Variants in CLMP observed in about 807,000 individuals in gnomAD.
The protein encoded by CLMP is CXADR like cell adhesion molecule, also known as CXADR-like membrane protein.
CLMP carries 27 observed loss-of-function variants against 45.2 expected under a neutral mutation model. The observed-to-expected ratio is 0.60, with a 90% CI of 0.44 to 0.82. CLMP has a LOEUF of 0.82. Ranked by LOEUF, CLMP falls within the 40% of genes least tolerant of loss-of-function variation. The pLI is 0.00. For missense variants in CLMP, 403 were observed against 448.4 expected (o/e 0.90, Z 0.91); for synonymous variants, 167 against 171.4 (o/e 0.97, Z 0.20).
At chr11:123,078,320 C>T (rs1402387704) in intron 5 of CLMP, among the ~76,000 whole-genome samples, 1 of 152,000 alleles carries the variant, frequency 6.6e-6, no homozygotes, top group East Asian at 1.9e-4. Flanking sequence ...TGATGAGTCT[C>T]AAAAATATAA....
intron 1 of CLMP, among the ~76,000 whole-genome samples, chr11:123,164,187 T>C (rs1861525482): frequency 6.6e-6 from 1 of 152,110 alleles, no homozygotes; most frequent in Admixed American, 6.5e-5. Flanking sequence ...ATTCGTATCA[T>C]ATAATTTATC....
At chr11:123,130,601 AC>A (rs1860971252) in intron 1 of CLMP, among the ~76,000 whole-genome samples, 1 of 152,068 alleles carries the variant, frequency 6.6e-6, no homozygotes, top group Non-Finnish European at 1.5e-5. Flanking sequence ...ACTGGCAGGC[AC>A]CCACTGGGAA....
At position 123,082,617 on chromosome 11, in the gene CLMP, G is replaced by T. The variant is rs1233649091; in HGVS notation, c.679+468C>A. Among the ~76,000 whole-genome samples the T allele has an allele frequency of 4.9e-3, 702 of 142,628 alleles. 6 individuals carry two copies. Among genetic ancestry groups the T allele is most frequent in the South Asian group, 9.3e-3 (41 of 4,394 alleles). 93.6% of individuals were successfully genotyped at this position (142,628 alleles called of 152,430 possible). ...CGCTGGGCTGGTTTTTTTTGTGTGTGTTTTTTTTTTTGAGAGGGAGTCTCA... is the reference window on the plus strand; with the variant it reads ...CGCTGGGCTGGTTTTTTTTGTGTGTTTTTTTTTTTTTGAGAGGGAGTCTCA... On this transcript the variant is annotated intron_variant, in intron 5 of 6. Coordinates refer to ENST00000448775, the MANE Select transcript of CLMP (RefSeq NM_024769.5).
intron 1 of CLMP, 88 bp downstream of exon 1, chr11:123,194,825 A>T: frequency 6.6e-7 from 1 of 1,525,920 alleles, no homozygotes; most frequent in Non-Finnish European, 9.0e-7. Flanking sequence ...GGCTGCAGGG[A>T]CACCCGGTCA....
intron 1 of CLMP, among the ~76,000 whole-genome samples, chr11:123,101,112 T>TTTTTC (rs1429899296): frequency 2.0e-5 from 3 of 152,156 alleles, no homozygotes; most frequent in Non-Finnish European, 2.9e-5. Context: ...TGAAACAGCC[T>TTTTTC]TTTTCTTTTC....
At chr11:123,101,061 C>T (rs1006470462) in intron 1 of CLMP, among the ~76,000 whole-genome samples, 1 of 152,200 alleles carries the variant, frequency 6.6e-6, no homozygotes, top group African/African-American at 2.4e-5. Flanking sequence ...CAAGTTCTAT[C>T]TTCCATTCTC....
At chr11:123,112,330 TTC>T (rs1368400244) in intron 1 of CLMP, among the ~76,000 whole-genome samples, 2 of 150,416 alleles carry the variant, frequency 1.3e-5, no homozygotes, top group African/African-American at 4.9e-5. Flanking sequence ...TTCTTTCTTT[TTC>T]TTTTTCTTTT....
intron 3 of CLMP, 49 bp from the exon 4 acceptor site, chr11:123,083,896 A>C: frequency 6.3e-7 from 1 of 1,599,376 alleles, no homozygotes; most frequent in Non-Finnish European, 8.5e-7. Flanking sequence ...AAGATCCCCA[A>C]ACACCAGATT....
intron 1 of CLMP, among the ~76,000 whole-genome samples, chr11:123,108,512 G>T (rs764876335): frequency 6.6e-6 from 1 of 152,114 alleles, no homozygotes; most frequent in Non-Finnish European, 1.5e-5. Context: ...CTTCAGTCAG[G>T]GGGGCCGGAT....
At chr11:123,125,616 T>A (rs1479220651) in intron 1 of CLMP, among the ~76,000 whole-genome samples, 1 of 147,352 alleles carries the variant, frequency 6.8e-6, no homozygotes, top group Non-Finnish European at 1.5e-5. Flanking sequence ...TTTCTTTCTT[T>A]TTTTTGAGAC....
At chr11:123,089,549 A>G (rs1865902217) in intron 2 of CLMP, among the ~76,000 whole-genome samples, 1 of 150,578 alleles carries the variant, frequency 6.6e-6, no homozygotes, top group East Asian at 2.0e-4. Context: ...GCGGATCACA[A>G]GGTCAGGAGA....
chr11:123,083,291 A>G, intron 4 of CLMP, 84 bp from the exon 5 acceptor site: 1 of 1,263,558 alleles, frequency 7.9e-7, no homozygotes, highest in Admixed American at 2.0e-5. Flanking sequence ...CACTGAGCTG[A>G]GATTCCGTAA....
rs144152159 is a variant in CLMP at position 123,147,986 on chromosome 11, G to A, written c.28+46927C>T. ...AGCCACCGTGCGTGGCTTAGACACT[G>A]ACTTTGGAGCCAGACTGTGTAAATT... On this transcript the variant is annotated intron_variant, in intron 1 of 6. Coordinates refer to ENST00000448775, the MANE Select transcript of CLMP (RefSeq NM_024769.5). Among the ~76,000 whole-genome samples the A allele has an allele frequency of 1.1e-3, 167 of 152,238 alleles. 1 individual carries two copies. Among genetic ancestry groups the A allele is most frequent in the African/African-American group, 3.9e-3 (163 of 41,530 alleles).
intron 5 of CLMP, among the ~76,000 whole-genome samples, chr11:123,079,541 C>T (rs1215796892): frequency 1.3e-5 from 2 of 152,114 alleles, no homozygotes; most frequent in Non-Finnish European, 2.9e-5. Flanking sequence ...GCAACCTCCA[C>T]CTCCCAGGGT....
At chr11:123,137,470 G>A (rs1861092940) in intron 1 of CLMP, among the ~76,000 whole-genome samples, 2 of 151,950 alleles carry the variant, frequency 1.3e-5, no homozygotes, top group East Asian at 1.9e-4. Context: ...GGTCCCAGAG[G>A]GGAGATGGCC....
chr11:123,137,147 C>CTTTTTTTTTTTTT (rs375816483), intron 1 of CLMP, among the ~76,000 whole-genome samples: 33 of 82,462 alleles, frequency 4.0e-4, no homozygotes, highest in Admixed American at 5.4e-4. Context: ...TTTTCTTTTT[C>CTTTTTTTTTTTTT]TTTTTTTTTT....
chr11:123,168,503 G>A (rs1173563573), intron 1 of CLMP, among the ~76,000 whole-genome samples: 1 of 152,180 alleles, frequency 6.6e-6, no homozygotes, highest in Admixed American at 6.5e-5. Flanking sequence ...CGGGGAATGA[G>A]GAAGCCTTGG....
chr11:123,073,398 G>A lies in CLMP; in HGVS notation c.*76C>T, dbSNP rs118065564. The A allele has an allele frequency of 7.3e-3, 10,889 of 1,484,114 alleles. 65 individuals carry two copies. The highest frequency in any genetic ancestry group is 9.1e-3 in the Non-Finnish European group (9,975 of 1,100,170). 91.9% of individuals were successfully genotyped at this position (1,484,114 alleles called of 1,614,324 possible). ...CCTCTCATCTGGTTGTGTGGCTGGT[G>A]ACTTGAGCTCCAATGACGAGAAGAG... On this transcript the variant is annotated 3_prime_UTR_variant, in exon 7 of 7. Transcript: ENST00000448775.
intron 1 of CLMP, among the ~76,000 whole-genome samples, chr11:123,127,164 CAG>C (rs1199056093): frequency 5.9e-5 from 9 of 151,954 alleles, no homozygotes; most frequent in Non-Finnish European, 5.9e-5. Context: ...CTCTGTCACC[CAG>C]GCTGGAGTGC....
Sources: gnomAD v4.1 joint callset for allele counts (sites outside exome capture counted in the v4.1 genomes callset) on GRCh38, gnomAD v4.1.1 for gene constraint, MANE v1.5 for transcripts, NCBI Gene and HGNC (gene_info 2026-07-23, HGNC 2026-07-21) for gene names.